Variants in IKBIP observed in about 807,000 individuals in gnomAD.
The protein encoded by IKBIP is inhibitor of nuclear factor kappa-B kinase-interacting protein.
In IKBIP, 28 loss-of-function variants were observed where a neutral mutation model predicts 31.0. The ratio of observed to expected loss-of-function variants is 0.90; its 90% CI spans 0.67 to 1.24. IKBIP has a LOEUF of 1.24. IKBIP is among the 50% of genes most tolerant of loss of function. The probability of loss-of-function intolerance (pLI) is 0.00; values close to 1 mark genes in which losing one functional copy is unlikely to be tolerated. For synonymous variants in IKBIP, 164 were observed against 160.3 expected (o/e 1.02, Z -0.17); for missense variants, 453 against 441.9 (o/e 1.03, Z -0.23).
chr12:98,613,661 AT>A lies in IKBIP; in HGVS notation c.976del (p.Ile326TyrfsTer4). ...AGCTTGGACTATTGTTAAATTAGATATTTTTTCACTTAAGAAAGCAATTTCT... is the reference window on the plus strand; with the variant it reads ...AGCTTGGACTATTGTTAAATTAGATATTTTTCACTTAAGAAAGCAATTTCT... On this transcript the variant is annotated frameshift_variant, in exon 3 of 3. Coordinates refer to the IKBIP transcript ENST00000342502. LOFTEE classifies it high-confidence loss of function. The A allele has an allele frequency of 2.5e-6, 4 of 1,587,836 alleles. No individual in the cohort carries two copies. The highest frequency in any genetic ancestry group is 1.4e-5 in the African/African-American group (1 of 73,980).
rs1227153447 is a variant in IKBIP at position 98,625,228 on chromosome 12, C to T, written c.*702G>A. 1.0e-6 allele frequency: 1 copy of T among 975,146 alleles called. No homozygotes were observed. The highest frequency in any genetic ancestry group is 1.2e-6 in the Non-Finnish European group (1 of 820,748). The allele number at this position is 975,146 out of a possible 1,614,324, so 60.4% of individuals were successfully genotyped here. A position where few individuals can be genotyped will look rare whatever the true frequency, so the allele number is the denominator to read the frequency against. On this transcript the variant is annotated 3_prime_UTR_variant, in exon 3 of 3. Coordinates refer to ENST00000299157, the MANE Select transcript of IKBIP (RefSeq NM_153687.4). The stretch of plus-strand genomic sequence containing the variant: ...TATACACATAATTCCTAAGAAAGGC[C>T]TTATGTAAGAACATACTTACTCTGA...
intron 2 of IKBIP, among the ~76,000 whole-genome samples, chr12:98,617,176 C>T (rs757659976): frequency 1.3e-5 from 2 of 152,134 alleles, no homozygotes; most frequent in Admixed American, 6.6e-5. Flanking sequence ...GAGTATAACT[C>T]GAGTTGTGGC....
Position 98,624,798 on chromosome 12 carries a change from A to G in IKBIP, c.*1132T>C. On this transcript the variant is annotated 3_prime_UTR_variant, in exon 3 of 3. Transcript: ENST00000299157. Reference sequence around the variant, plus strand: ...TTCCCTCAAAACAGGCCACAGGCTTATTTTTATTTATTTATTTATTTATTG... The same window carrying G: ...TTCCCTCAAAACAGGCCACAGGCTTGTTTTTATTTATTTATTTATTTATTG... 1 of 842,694 alleles carries G rather than the reference A, an allele frequency of 1.2e-6. No homozygotes were observed. The highest frequency in any genetic ancestry group is 1.4e-6 in the Non-Finnish European group (1 of 700,142). The allele number at this position is 842,694 out of a possible 1,614,324, so 52.2% of individuals were successfully genotyped here. A position where few individuals can be genotyped will look rare whatever the true frequency, so the allele number is the denominator to read the frequency against.
At chr12:98,636,477 G>C (rs2372393) in intron 1 of IKBIP, among the ~76,000 whole-genome samples, 133 of 152,322 alleles carry the variant, frequency 8.7e-4, no homozygotes, top group African/African-American at 3.0e-3. Context: ...GTGCATCCTT[G>C]CAAAAGTGGT....
intron 2 of IKBIP, among the ~76,000 whole-genome samples, chr12:98,617,632 G>A (rs1276171447): frequency 3.9e-5 from 6 of 152,108 alleles, no homozygotes; most frequent in Admixed American, 1.3e-4. Context: ...GGATAAAGTC[G>A]TACAATTAAA....
At chr12:98,631,247 T>C (rs1379796048) in intron 2 of IKBIP, among the ~76,000 whole-genome samples, 1 of 147,170 alleles carries the variant, frequency 6.8e-6, no homozygotes, top group East Asian at 2.1e-4. Flanking sequence ...ACTGAATATT[T>C]TTTGGATTCT....
rs1281968578 is a variant in IKBIP, at chr12:98,626,255, T to G, written c.809A>C (p.Lys270Thr). The change falls in exon 3 of 3, where the codon AAG becomes ACG. Residue 270 changes from lysine to threonine, a missense_variant. By Grantham distance (78) the Lys-to-Thr change is moderately conservative (BLOSUM62 -1). Transcript: ENST00000299157. ...ACTTTCAATTGTTGGCAAATGTGTC[T>G]TGCATTCTTCAACTTTGGGTTCGTA... ...SDYEPKVEEC[K>T]THLPTIESAI... 6.2e-7 allele frequency: 1 copy of G among 1,614,218 alleles called. No homozygotes were observed. Among genetic ancestry groups the G allele is most frequent in the Non-Finnish European group, 8.5e-7 (1 of 1,180,030 alleles).
chr12:98,626,545 G>T lies in IKBIP; in HGVS notation c.519C>A (p.Phe173Leu). The change falls in exon 3 of 3, where the codon TTC becomes TTA. Residue 173 changes from phenylalanine (F) to leucine (L), a missense_variant. Phe to Leu is a conservative substitution (Grantham distance 22, BLOSUM62 0). Coordinates refer to ENST00000299157, the MANE Select transcript of IKBIP (RefSeq NM_153687.4). ...AATGTATATGTTTTGCTTCTGATTT[G>T]AAAATGTCTGTATTAATGTTCATTT... ...LEEMNINTDI[F>L]KSEAKHIHSQ... The T allele has an allele frequency of 1.2e-6, 2 of 1,612,896 alleles. No homozygotes were observed. Among genetic ancestry groups the T allele is most frequent in the Non-Finnish European group, 1.7e-6 (2 of 1,179,466 alleles).
Position 98,625,879 on chromosome 12 carries a change from C to T in IKBIP, c.*51G>A, listed in dbSNP as rs1254399715. 6.1e-6 allele frequency: 8 copies of T among 1,313,406 alleles called. No homozygotes were observed. Among genetic ancestry groups the T allele is most frequent in the Middle Eastern group, 3.0e-4 (1 of 3,340 alleles). 81.4% of individuals were successfully genotyped at this position (1,313,406 alleles called of 1,614,324 possible). ...ATCAAAGTAACTCAAAATCAATGGACTAATCAATTTATGTATAATGATATG... is the reference window on the plus strand; with the variant it reads ...ATCAAAGTAACTCAAAATCAATGGATTAATCAATTTATGTATAATGATATG... On this transcript the variant is annotated 3_prime_UTR_variant, in exon 3 of 3. Transcript: ENST00000299157.
At chr12:98,634,246 T>TG (rs1400650148) in intron 2 of IKBIP, 50 bp downstream of exon 2, 1 of 840,884 alleles carries the variant, frequency 1.2e-6, no homozygotes, top group African/African-American at 1.7e-5. Context: ...GAAATGATAG[T>TG]GGGGTAGTAA....
chr12:98,626,515 T>C lies in IKBIP; in HGVS notation c.549A>G (p.Gln183=). ...CAGCTGAGTTAATTTGGACAGTTAC[T>C]TGAGAATGTATATGTTTTGCTTCTG... ...FKSEAKHIHS[Q]VTVQINSAEQ... is the part of the protein sequence containing the mutation. Residue 183 remains glutamine (Q), a synonymous_variant, in exon 3 of 3, where the codon CAA becomes CAG. Transcript: ENST00000299157. 1 of 1,613,644 alleles carries C rather than the reference T, an allele frequency of 6.2e-7. No individual in the cohort carries two copies. Among genetic ancestry groups the C allele is most frequent in the Non-Finnish European group, 8.5e-7 (1 of 1,179,966 alleles).
intron 1 of IKBIP, among the ~76,000 whole-genome samples, chr12:98,639,764 C>G (rs919776997): frequency 6.6e-6 from 1 of 152,062 alleles, no homozygotes; most frequent in African/African-American, 2.4e-5. Flanking sequence ...GAAAAAGAGG[C>G]AAATAACCAA....
chr12:98,624,402 CT>C lies in IKBIP; in HGVS notation c.*1527del, dbSNP rs2097612386. 6 of 985,266 alleles carry C rather than the reference CT, an allele frequency of 6.1e-6. No homozygotes were observed. The highest frequency in any genetic ancestry group is 7.2e-6 in the Non-Finnish European group (6 of 829,904). 61.0% of individuals were successfully genotyped at this position (985,266 alleles called of 1,614,324 possible). A position where few individuals can be genotyped will look rare whatever the true frequency, so the allele number is the denominator to read the frequency against. On this transcript the variant is annotated 3_prime_UTR_variant, in exon 3 of 3. Transcript: ENST00000299157. ...CCCCTTAATAACAGAACTCTCCAGG[CT>C]TATTTTCATGATTCACGCTGTCTAC...
At chr12:98,621,945 G>A (rs982894315), downstream of IKBIP, among the ~76,000 whole-genome samples, 12 of 151,832 alleles carry the variant, frequency 7.9e-5, no homozygotes, top group African/African-American at 2.9e-4. Flanking sequence ...GCATGGTGGC[G>A]CATGCCTGTA....
chr12:98,641,997 A>T lies in IKBIP; in HGVS notation c.179+2526T>A, dbSNP rs139005356. ...TATAGCATTGTGTTATCATTTTGCA[A>T]ACATAGTTCAAATTAAATCTTCCTA... On this transcript the variant is annotated intron_variant, in intron 1 of 2. Transcript: ENST00000299157. 2.8e-3 allele frequency among the ~76,000 whole-genome samples: 428 copies of T among 152,308 alleles called. 1 individual carries two copies. Among genetic ancestry groups the T allele is most frequent in the African/African-American group, 9.5e-3 (395 of 41,572 alleles).
intron 2 of IKBIP, among the ~76,000 whole-genome samples, chr12:98,617,037 G>A (rs1231370978): frequency 2.0e-5 from 3 of 152,274 alleles, no homozygotes; most frequent in South Asian, 4.1e-4. Context: ...ATATGTCTAC[G>A]CTTTATTGGC....
intron 2 of IKBIP, among the ~76,000 whole-genome samples, chr12:98,630,203 GTGAAACCCCA>G (rs1328051676): frequency 6.6e-6 from 1 of 151,834 alleles, no homozygotes; most frequent in Non-Finnish European, 1.5e-5. Flanking sequence ...GGCTAACACA[GTGAAACCCCA>G]TGTCTACTAA....
rs537617257 is a variant in IKBIP at position 98,626,934 on chromosome 12, T to C, written c.298-168A>G. ...CTGACAAAGATATTTATTACATTAATAGTTTTCACAAATACGTTAACCCTG... is the reference window on the plus strand; with the variant it reads ...CTGACAAAGATATTTATTACATTAACAGTTTTCACAAATACGTTAACCCTG... On this transcript the variant is annotated intron_variant, in intron 2 of 2. Transcript: ENST00000299157. Among the ~76,000 whole-genome samples, 164 of 152,316 alleles carry C rather than the reference T, an allele frequency of 1.1e-3. 1 individual carries two copies. In the Middle Eastern group the frequency reaches 0.014, roughly 13 times the overall value.
At position 98,628,207 on chromosome 12, in the gene IKBIP, T is replaced by A. The variant is rs527243977; in HGVS notation, c.298-1441A>T. On this transcript the variant is annotated intron_variant, in intron 2 of 2. Coordinates refer to ENST00000299157, the MANE Select transcript of IKBIP (RefSeq NM_153687.4). ...TTAATCGACGAGAAAGACAAGTGTATATGCACTATGACAGGTGAAGAGCTA... is the reference window on the plus strand; with the variant it reads ...TTAATCGACGAGAAAGACAAGTGTAAATGCACTATGACAGGTGAAGAGCTA... Among the ~76,000 whole-genome samples the A allele has an allele frequency of 3.2e-4, 49 of 152,236 alleles. 1 individual carries two copies. Among genetic ancestry groups the A allele is most frequent in the Non-Finnish European group, 5.4e-4 (37 of 68,048 alleles).
Sources: gnomAD v4.1 joint callset for allele counts (sites outside exome capture counted in the v4.1 genomes callset) on GRCh38, gnomAD v4.1.1 for gene constraint, MANE v1.5 for transcripts, NCBI Gene and HGNC (gene_info 2026-07-23, HGNC 2026-07-21) for gene names.